AOPEP: variants seen among roughly 807,000 people sequenced by gnomAD.
AOPEP encodes aminopeptidase O.
A neutral mutation model predicts 98.1 loss-of-function variants in AOPEP; 77 were observed. That is an observed-to-expected ratio of 0.78 (90% CI 0.65 to 0.95). AOPEP has a LOEUF of 0.95. Ranked by LOEUF, AOPEP falls within the 40% of genes least tolerant of loss-of-function variation. The pLI, the probability that AOPEP is intolerant of heterozygous loss-of-function variation, is 0.00. For missense variants in AOPEP, 1,024 were observed against 1,024.7 expected (o/e 1.00, Z 0.01); for synonymous variants, 346 against 365.3 (o/e 0.95, Z 0.60).
the AOPEP span, among the ~76,000 whole-genome samples, chr9:95,144,213 C>T: frequency 1.3e-5 from 2 of 152,206 alleles, no homozygotes; most frequent in Non-Finnish European, 2.9e-5. Flanking sequence ...CTGGGATGTT[C>T]CGCCTACGGG....
intron 5 of AOPEP, among the ~76,000 whole-genome samples, chr9:94,905,349 G>A (rs895196442): frequency 6.6e-6 from 1 of 152,000 alleles, no homozygotes; most frequent in African/African-American, 2.4e-5. Context: ...CTTACATATC[G>A]TTTAAGGAGG....
chr9:95,039,976 T>C (rs1239308620), intron 13 of AOPEP, among the ~76,000 whole-genome samples: 2 of 152,244 alleles, frequency 1.3e-5, no homozygotes, highest in Non-Finnish European at 2.9e-5. Context: ...AGATGCTATT[T>C]GAATTTAATT....
intron 7 of AOPEP, among the ~76,000 whole-genome samples, chr9:94,939,464 T>C (rs1311469007): frequency 2.0e-5 from 3 of 152,124 alleles, no homozygotes; most frequent in Admixed American, 6.6e-5. Context: ...AGGATATGGA[T>C]TGAGCTTCAC....
At chr9:94,999,243 T>C (rs1326881215) in intron 11 of AOPEP, among the ~76,000 whole-genome samples, 2 of 151,622 alleles carry the variant, frequency 1.3e-5, no homozygotes, top group Non-Finnish European at 2.9e-5. Context: ...AAATATAACA[T>C]GATAGAAATA....
the AOPEP span, among the ~76,000 whole-genome samples, chr9:95,115,826 C>A: frequency 6.6e-6 from 1 of 152,174 alleles, no homozygotes; most frequent in Non-Finnish European, 1.5e-5. Context: ...ATGTTTATTT[C>A]GCATTTCCTC....
chr9:95,085,621 G>C, intron 16 of AOPEP: 1 of 392,234 alleles, frequency 2.5e-6, no homozygotes, highest in South Asian at 1.9e-5. Context: ...GTCAGCTTGG[G>C]TGCGGAGCGC....
At chr9:95,123,868 A>C in the AOPEP span, 9 of 580,534 alleles carry the variant, frequency 1.6e-5, no homozygotes, top group Admixed American at 4.0e-5. Flanking sequence ...AGCCCACGTA[A>C]GGAGTTGAGT....
chr9:95,041,831 A>G (rs543947822), intron 13 of AOPEP, among the ~76,000 whole-genome samples: 2 of 152,186 alleles, frequency 1.3e-5, no homozygotes, highest in Non-Finnish European at 2.9e-5. Flanking sequence ...CGGACCCAGA[A>G]GGCCCGTAGA....
intron 3 of AOPEP, among the ~76,000 whole-genome samples, chr9:94,783,347 T>A (rs1843697748): frequency 6.6e-6 from 1 of 152,202 alleles, no homozygotes; most frequent in African/African-American, 2.4e-5. Flanking sequence ...CTGGGTAGCA[T>A]CAGTGCTTGC....
chr9:94,896,357 A>G (rs1054326644), intron 5 of AOPEP, among the ~76,000 whole-genome samples: 3 of 152,224 alleles, frequency 2.0e-5, no homozygotes, highest in African/African-American at 7.2e-5. Flanking sequence ...CAAATACTGC[A>G]TGTAGATGCT....
chr9:94,843,245 C>G (rs2042484984), intron 5 of AOPEP, among the ~76,000 whole-genome samples: 1 of 152,138 alleles, frequency 6.6e-6, no homozygotes, highest in Non-Finnish European at 1.5e-5. Context: ...TTTCCCTTAC[C>G]TAGCCTCCCC....
chr9:95,035,164 C>G (rs1456782702), intron 13 of AOPEP, among the ~76,000 whole-genome samples: 1 of 151,910 alleles, frequency 6.6e-6, no homozygotes, highest in African/African-American at 2.4e-5. Flanking sequence ...GTTCCCCACC[C>G]TGTTTCCGTG....
chr9:94,992,783 G>A (rs1408115604), intron 11 of AOPEP, among the ~76,000 whole-genome samples: 2 of 152,248 alleles, frequency 1.3e-5, no homozygotes, highest in African/African-American at 4.8e-5. Flanking sequence ...CAATGCAGGT[G>A]TACCTGGTCG....
At chr9:95,047,276 G>T (rs2065936486) in intron 13 of AOPEP, among the ~76,000 whole-genome samples, 1 of 152,060 alleles carries the variant, frequency 6.6e-6, no homozygotes, top group Non-Finnish European at 1.5e-5. Context: ...ATAGTGGTGG[G>T]GTTTTAATAT....
At chr9:94,984,535 TA>T (rs1589164557) in intron 11 of AOPEP, among the ~76,000 whole-genome samples, 1 of 152,308 alleles carries the variant, frequency 6.6e-6, no homozygotes, top group East Asian at 1.9e-4. Context: ...TTAGGAGACT[TA>T]GTACAAAAAT....
chr9:94,771,069 A>G (rs1840758161), intron 2 of AOPEP, among the ~76,000 whole-genome samples: 1 of 152,120 alleles, frequency 6.6e-6, no homozygotes, highest in Admixed American at 6.5e-5. Flanking sequence ...AGTGGTATGG[A>G]AGCTGATGGA....
intron 5 of AOPEP, among the ~76,000 whole-genome samples, chr9:94,807,834 T>G (rs1849568245): frequency 6.6e-6 from 1 of 152,214 alleles, no homozygotes; most frequent in African/African-American, 2.4e-5. Flanking sequence ...TAGATTTCTT[T>G]TAGGGAAAAC....
chr9:95,096,091 A>G, the AOPEP span, among the ~76,000 whole-genome samples: 6 of 152,184 alleles, frequency 3.9e-5, no homozygotes, highest in African/African-American at 1.4e-4. Context: ...CAGAACACAC[A>G]GATCCCAGAA....
intron 14 of AOPEP, among the ~76,000 whole-genome samples, chr9:95,074,410 T>C (rs1461178136): frequency 6.6e-6 from 1 of 152,162 alleles, no homozygotes. Flanking sequence ...GAAGCAGTTG[T>C]GTGGAGCACT....
Sources: gnomAD v4.1 joint callset for allele counts (sites outside exome capture counted in the v4.1 genomes callset) on GRCh38, gnomAD v4.1.1 for gene constraint, MANE v1.5 for transcripts, NCBI Gene and HGNC (gene_info 2026-07-23, HGNC 2026-07-21) for gene names.